The following ANO6 variants were observed in gnomAD, a reference collection of about 807,000 sequenced individuals.
ANO6 encodes the protein anoctamin 6.
ANO6 carries 106 observed loss-of-function variants against 117.5 expected under a neutral mutation model. The observed-to-expected ratio is 0.90, with a 90% CI of 0.77 to 1.06. The LOEUF (loss-of-function observed/expected upper bound fraction) is 1.06. ANO6 is among the 50% of genes least tolerant of loss of function. The pLI is 0.00. For synonymous variants in ANO6, 367 were observed against 385.1 expected, an observed-to-expected ratio of 0.95 and a Z score of 0.55; for missense variants, 955 against 1,121.1, an observed-to-expected ratio of 0.85 and a Z score of 2.12.
intron 1 of ANO6, among the ~76,000 whole-genome samples, chr12:45,227,339 A>G (rs941071146): frequency 3.9e-5 from 6 of 152,206 alleles, no homozygotes; most frequent in Non-Finnish European, 7.3e-5. Context: ...ATGAACTTAT[A>G]TAGGTAATTG....
chr12:45,269,600 G>A (rs189814923), intron 1 of ANO6, among the ~76,000 whole-genome samples: 32 of 152,258 alleles, frequency 2.1e-4, no homozygotes, highest in Admixed American at 1.3e-3. Flanking sequence ...AAGTAACCTC[G>A]GGGGTAGGGA....
At chr12:45,402,055 A>G in intron 13 of ANO6, 35 bp downstream of exon 13, 2 of 1,574,700 alleles carry the variant, frequency 1.3e-6, no homozygotes, top group Non-Finnish European at 8.7e-7. Context: ...AACTTCTGAC[A>G]TATTTTTAGA....
chr12:45,379,321 T>C (rs1942110332), intron 10 of ANO6, among the ~76,000 whole-genome samples: 1 of 152,228 alleles, frequency 6.6e-6, no homozygotes, highest in African/African-American at 2.4e-5. Context: ...TTTGCTCACT[T>C]TTTAGAGATA....
intron 1 of ANO6, among the ~76,000 whole-genome samples, chr12:45,301,249 A>T (rs75312370): frequency 0.038 from 192 of 5,104 alleles, no homozygotes; most frequent in South Asian, 0.3. Context: ...CTTTTTTTTT[A>T]AAAACGTCTC....
chr12:45,244,404 G>T (rs1021602487), intron 1 of ANO6, among the ~76,000 whole-genome samples: 91 of 88,962 alleles, frequency 1.0e-3, no homozygotes, highest in African/African-American at 4.8e-3. Context: ...TTCTCTATTT[G>T]GGGGGGGGGG....
intron 10 of ANO6, among the ~76,000 whole-genome samples, chr12:45,387,340 C>A (rs1034551106): frequency 6.6e-6 from 1 of 152,166 alleles, no homozygotes; most frequent in Middle Eastern, 3.4e-3. Flanking sequence ...TACTAGTTTT[C>A]CGTATGAATG....
In ANO6 at chr12:45,388,294, GATTACT is replaced by G; in HGVS notation, c.1300_1305del (p.Ile434_Thr435del). 1 of 1,613,984 alleles carries G rather than the reference GATTACT, an allele frequency of 6.2e-7. No individual in the cohort carries two copies. The highest frequency in any genetic ancestry group is 8.5e-7 in the Non-Finnish European group (1 of 1,179,900). On this transcript the variant is annotated inframe_deletion, in exon 11 of 20. Transcript: ENST00000320560. ...GATGTACTCACGTAGTGATAAATGA[GATTACT>G]CAGGTAAGCAGGGTCGTATTTAGGT...
intron 1 of ANO6, chr12:45,228,214 A>G (rs2016125879): frequency 2.3e-6 from 1 of 437,420 alleles, no homozygotes; most frequent in Admixed American, 2.5e-5. Flanking sequence ...TCACTGTAGC[A>G]TTGACTCCCA....
At position 45,387,342 on chromosome 12, in the gene ANO6, G is replaced by T. The variant is rs147693821; in HGVS notation, c.1166-819G>T. Among the ~76,000 whole-genome samples, 90 of 152,154 alleles carry T rather than the reference G, an allele frequency of 5.9e-4. 1 individual carries two copies. The highest frequency in any genetic ancestry group is 2.1e-3 in the African/African-American group (88 of 41,510). On this transcript the variant is annotated intron_variant, in intron 10 of 19. Coordinates refer to ENST00000320560, the MANE Select transcript of ANO6 (RefSeq NM_001025356.3). Reference sequence around the variant, plus strand: ...AGATTGAGAAAAATACTAGTTTTCCGTATGAATGAATATTAATTTATTTGG... The same window carrying T: ...AGATTGAGAAAAATACTAGTTTTCCTTATGAATGAATATTAATTTATTTGG...
Position 45,431,702 on chromosome 12 carries a change from A to G in ANO6, c.*2391A>G, listed in dbSNP as rs1315165652. 2 of 985,308 alleles carry G rather than the reference A, an allele frequency of 2.0e-6. No homozygotes were observed. The highest frequency in any genetic ancestry group is 2.4e-6 in the Non-Finnish European group (2 of 829,946). The allele number at this position is 985,308 out of a possible 1,614,324, so 61.0% of individuals were successfully genotyped here. A position where few individuals can be genotyped will look rare whatever the true frequency, so the allele number is the denominator to read the frequency against. ...CTTGCAGTGATAAAGAAAAGCATGG[A>G]GCTGTGTCTGCAGACAATGGTGGCT... On this transcript the variant is annotated 3_prime_UTR_variant, in exon 20 of 20. Coordinates refer to ENST00000320560, the MANE Select transcript of ANO6 (RefSeq NM_001025356.3).
At position 45,431,039 on chromosome 12, in the gene ANO6, A is replaced by G. The variant is rs1211052833; in HGVS notation, c.*1728A>G. 3.0e-6 allele frequency: 3 copies of G among 985,324 alleles called. No homozygotes were observed. The highest frequency in any genetic ancestry group is 4.7e-5 in the South Asian group (1 of 21,296). The allele number at this position is 985,324 out of a possible 1,614,324, so 61.0% of individuals were successfully genotyped here. On this transcript the variant is annotated 3_prime_UTR_variant, in exon 20 of 20. Transcript: ENST00000320560. ...TCATGATTGATTTCAAATGCCTGCC[A>G]TGAATGATTTGTAAGTAATTATGTA...
chr12:45,268,920 T>C (rs563287503), intron 1 of ANO6, among the ~76,000 whole-genome samples: 1 of 152,376 alleles, frequency 6.6e-6, no homozygotes, highest in East Asian at 1.9e-4. Context: ...CCTTTCTGGC[T>C]GCTTCCACCC....
At chr12:45,308,540 A>G (rs899957292) in intron 2 of ANO6, among the ~76,000 whole-genome samples, 1 of 152,056 alleles carries the variant, frequency 6.6e-6, no homozygotes, top group African/African-American at 2.4e-5. Flanking sequence ...ATGGAATGTC[A>G]TTGCTGGCAG....
intron 7 of ANO6, among the ~76,000 whole-genome samples, chr12:45,354,818 A>T (rs974966229): frequency 6.6e-6 from 1 of 152,226 alleles, no homozygotes; most frequent in Non-Finnish European, 1.5e-5. Context: ...AATCATAATA[A>T]TGTAAAGCAA....
chr12:45,226,675 A>G (rs1163725217), intron 1 of ANO6, among the ~76,000 whole-genome samples: 1 of 152,112 alleles, frequency 6.6e-6, no homozygotes, highest in Non-Finnish European at 1.5e-5. Context: ...GCTTTGCACA[A>G]ACAAAATGAT....
intron 1 of ANO6, among the ~76,000 whole-genome samples, chr12:45,299,923 C>T (rs1939425312): frequency 6.6e-6 from 1 of 152,012 alleles, no homozygotes; most frequent in Non-Finnish European, 1.5e-5. Flanking sequence ...GGTGCCAAAC[C>T]TAAGTATTTG....
intron 12 of ANO6, among the ~76,000 whole-genome samples, chr12:45,396,052 G>A (rs536938504): frequency 1.3e-5 from 2 of 152,124 alleles, no homozygotes; most frequent in African/African-American, 4.8e-5. Flanking sequence ...AAATCAAATT[G>A]TCCCTGTTTG....
At chr12:45,415,824 ATGGAAC>A (rs746531825) in intron 16 of ANO6, among the ~76,000 whole-genome samples, 39 of 152,296 alleles carry the variant, frequency 2.6e-4, no homozygotes, top group Admixed American at 6.5e-4. Flanking sequence ...ATGAGGCCTA[ATGGAAC>A]TCTATGTTTT....
chr12:45,430,783 G>A lies in ANO6; in HGVS notation c.*1472G>A, dbSNP rs1307804661. 4.1e-6 allele frequency: 4 copies of A among 985,250 alleles called. No homozygotes were observed. The East Asian group carries it at 4.5e-4, about 112-fold the overall frequency. The allele number at this position is 985,250 out of a possible 1,614,324, so 61.0% of individuals were successfully genotyped here. A position where few individuals can be genotyped will look rare whatever the true frequency, so the allele number is the denominator to read the frequency against. The stretch of plus-strand genomic sequence containing the variant: ...TACTTCACTTTATTGCCTTGTAAGT[G>A]TCAGGCCTCCTGGGCGCTCTGGAAA... On this transcript the variant is annotated 3_prime_UTR_variant, in exon 20 of 20. Transcript: ENST00000320560.
Sources: gnomAD v4.1 joint callset for allele counts (sites outside exome capture counted in the v4.1 genomes callset) on GRCh38, gnomAD v4.1.1 for gene constraint, MANE v1.5 for transcripts, NCBI Gene and HGNC (gene_info 2026-07-23, HGNC 2026-07-21) for gene names.